The following TTN variants were observed in gnomAD, a reference collection of about 807,000 sequenced individuals.
The protein encoded by TTN is connectin.
A neutral mutation model predicts 3,223.0 loss-of-function variants in TTN; 1,525 were observed. The observed-to-expected ratio is 0.47, with a 90% CI of 0.45 to 0.49. TTN has a LOEUF of 0.49. TTN is among the 20% of genes least tolerant of loss of function. The pLI, the probability that TTN is intolerant of heterozygous loss-of-function variation, is 0.00. For missense variants in TTN, 40,786 were observed against 43,424.0 expected (o/e 0.94, Z 5.40); for synonymous variants, 14,094 against 15,161.0 (o/e 0.93, Z 5.17).
At position 178,575,313 on chromosome 2, in the gene TTN, C is replaced by T. The variant is rs786205539; in HGVS notation, c.70819G>A (p.Ala23607Thr). The change falls in exon 326 of 363, where the codon GCA becomes ACA. Residue 23607 changes from alanine to threonine, a missense_variant. Physicochemically the swap from Ala to Thr is moderately conservative, Grantham distance 58. Transcript: ENST00000589042. This position sits in a 1 kb window ranked among gnomAD's most constrained non-coding sequence, Gnocchi z 4.0. The stretch of plus-strand genomic sequence containing the variant: ...GCACTTCTCCCCGCGCTGTTCACTG[C>T]CATCACTTGGAAGGTATATTCCTCT... ...EGEEYTFQVM[A>T]VNSAGRSAPR... is the part of the protein sequence containing the mutation. The T allele has an allele frequency of 2.5e-6, 4 of 1,613,362 alleles. No homozygotes were observed. In the African/African-American group the frequency reaches 4.0e-5, roughly 16 times the overall value.
rs2082376538 is a variant in TTN, at chr2:178,740,943, A to G, written c.12290T>C (p.Ile4097Thr). 2 of 1,613,914 alleles carry G rather than the reference A, an allele frequency of 1.2e-6. No homozygotes were observed. The highest frequency in any genetic ancestry group is 2.2e-5 in the East Asian group (1 of 44,860). ...EENQQLSYEH[I>T]AKANELSSQL... is the part of the protein sequence containing the mutation. Reference sequence around the variant, plus strand: ...ACTGCTCAATTCATTGGCTTTAGCAATATGCTCATAAGATAGTTGCTGGTT... The same window carrying G: ...ACTGCTCAATTCATTGGCTTTAGCAGTATGCTCATAAGATAGTTGCTGGTT... The change falls in exon 48 of 363, where the codon ATT becomes ACT. Residue 4097 changes from isoleucine (I) to threonine (T), a missense_variant. Ile to Thr is a moderately conservative substitution (Grantham distance 89). Coordinates refer to ENST00000589042, the MANE Select transcript of TTN (RefSeq NM_001267550.2).
rs1057522804 is a variant in TTN, at chr2:178,629,406, G to A, written c.44319C>T (p.Val14773=). Residue 14773 remains valine, a synonymous_variant, in exon 240 of 363, where the codon GTC becomes GTT. Coordinates refer to ENST00000589042, the MANE Select transcript of TTN (RefSeq NM_001267550.2). ...VIGLLRPLKD[V]TVTAGETATF... is the part of the protein sequence containing the mutation. ...TGGCTGTTTCCCCTGCAGTCACGGT[G>A]ACATCCTTTAAAGGCCTCAGAAGAC... 1.2e-6 allele frequency: 2 copies of A among 1,613,048 alleles called. No individual in the cohort carries two copies. The highest frequency in any genetic ancestry group is 1.7e-5 in the Admixed American group (1 of 59,988).
intron 16 of TTN, 58 bp from the exon 17 acceptor site, chr2:178,783,843 A>G: frequency 7.1e-7 from 1 of 1,401,262 alleles, no homozygotes; most frequent in East Asian, 2.3e-5. Flanking sequence ...AATCTCATAA[A>G]CTCTTAGCTC....
intron 121 of TTN, 98 bp from the exon 122 acceptor site, chr2:178,689,994 G>GT: frequency 9.9e-7 from 1 of 1,011,774 alleles, no homozygotes. Flanking sequence ...CATTAATGTT[G>GT]TTATGGATTA....
chr2:178,789,638 G>A, intron 12 of TTN, 141 bp from the exon 13 acceptor site: 1 of 1,170,820 alleles, frequency 8.5e-7, no homozygotes, highest in East Asian at 2.6e-5. Context: ...CACCGGCAAT[G>A]TCTACATATA....
At position 178,782,820 on chromosome 2, in the gene TTN, T is replaced by C. The variant is rs774126306; in HGVS notation, c.3086A>G (p.Tyr1029Cys). 6.8e-6 allele frequency: 11 copies of C among 1,612,938 alleles called. No homozygotes were observed. The African/African-American group carries it at 9.3e-5, about 14-fold the overall frequency. Residue 1029 changes from tyrosine to cysteine, a missense_variant, in exon 18 of 363, where the codon TAT becomes TGT. Physicochemically the swap from Tyr to Cys is radical, Grantham distance 194. Transcript: ENST00000589042. The stretch of plus-strand genomic sequence containing the variant: ...TGGCCACTAACCCTGCACAGCCAGA[T>C]AGCAGGATGTGCTGACGGTTCCAGC... ...NEAGTVSTSC[Y>C]LAVQVSEEFE...
rs772536475 is a variant in TTN, at chr2:178,591,348, G to C, written c.60377C>G (p.Thr20126Arg). The C allele has an allele frequency of 6.2e-7, 1 of 1,613,370 alleles. No individual in the cohort carries two copies. Among genetic ancestry groups the C allele is most frequent in the East Asian group, 2.2e-5 (1 of 44,826 alleles). The change falls in exon 304 of 363, where the codon ACA (threonine) becomes AGA (arginine). Residue 20126 changes from threonine (T) to arginine (R), a missense_variant. Transcript: ENST00000589042. ...GSEIKTDEHYTVETDNFSSVL... is the reference protein window; with the variant it reads ...GSEIKTDEHYRVETDNFSSVL... ...TGATGAGAAGTTGTCTGTTTCAACTGTGTAGTGCTCATCGGTTTTAATCTC... is the reference window on the plus strand; with the variant it reads ...TGATGAGAAGTTGTCTGTTTCAACTCTGTAGTGCTCATCGGTTTTAATCTC...
rs370444281 is a variant in TTN, at chr2:178,750,312, T to C, written c.11311+2812A>G. The C allele has an allele frequency of 2.5e-6, 4 of 1,613,162 alleles. No individual in the cohort carries two copies. In the African/African-American group the frequency reaches 5.3e-5, roughly 22 times the overall value. ...TTTTGTTTTGCTTTCACTTTAAGCATACTGGTTGTTTTTACTGTTCCATAT... is the reference window on the plus strand; with the variant it reads ...TTTTGTTTTGCTTTCACTTTAAGCACACTGGTTGTTTTTACTGTTCCATAT... On this transcript the variant is annotated intron_variant, in intron 47 of 362. Transcript: ENST00000589042.
In TTN at chr2:178,557,791, A is replaced by T. The variant is rs772706810; in HGVS notation, c.87563T>A (p.Val29188Glu). 3.7e-6 allele frequency: 6 copies of T among 1,613,966 alleles called. No homozygotes were observed. Among genetic ancestry groups the T allele is most frequent in the Non-Finnish European group, 5.1e-6 (6 of 1,179,838 alleles). The change falls in exon 328 of 363, where the codon GTG becomes GAG. Residue 29188 changes from valine (V) to glutamate (E), a missense_variant. Transcript: ENST00000589042. ...RETSTAVWTE[V>E]SATVARTMMK... ...CATGGTTCTTGCAACTGTTGCAGAC[A>T]CTTCAGTCCACACTGCAGTACTTGT...
At chr2:178,768,290 C>G in intron 38 of TTN, 135 bp from the exon 39 acceptor site, 1 of 1,189,140 alleles carries the variant, frequency 8.4e-7, no homozygotes, top group East Asian at 2.6e-5. Context: ...TAGCCATCAC[C>G]ATAATTTTAG....
chr2:178,805,706 A>G (rs1321081667), intron 1 of TTN, among the ~76,000 whole-genome samples: 1 of 152,200 alleles, frequency 6.6e-6, no homozygotes, highest in African/African-American at 2.4e-5. Flanking sequence ...AACAGGCCAA[A>G]GTTTATTATA....
chr2:178,805,539 C>T (rs1463882795), intron 1 of TTN, among the ~76,000 whole-genome samples: 1 of 152,084 alleles, frequency 6.6e-6, no homozygotes, highest in Non-Finnish European at 1.5e-5. Flanking sequence ...TAATCTCTTT[C>T]CTGACTGGAG....
chr2:178,786,786 A>G (rs1005642139), intron 13 of TTN, among the ~76,000 whole-genome samples: 2 of 152,234 alleles, frequency 1.3e-5, no homozygotes, highest in African/African-American at 4.8e-5. Context: ...AAATAAAAAT[A>G]TTGTGATTAA....
rs1219652014 is a variant in TTN at position 178,537,130 on chromosome 2, C to A, written c.99979G>T (p.Val33327Leu). Reference protein sequence around the residue: ...DDGGSWITNYVVEKCEAKEGA... With the variant: ...DDGGSWITNYLVEKCEAKEGA... Reference sequence around the variant, plus strand: ...TCCTTGGCCTCACATTTTTCCACCACATAGTTGGTGATCCAGGAGCCTCCG... The same window carrying A: ...TCCTTGGCCTCACATTTTTCCACCAAATAGTTGGTGATCCAGGAGCCTCCG... The change falls in exon 356 of 363, where the codon GTG (valine) becomes TTG (leucine). Residue 33327 changes from valine to leucine, a missense_variant. By Grantham distance (32) the Val-to-Leu change is conservative. Coordinates refer to ENST00000589042, the MANE Select transcript of TTN (RefSeq NM_001267550.2). 1 of 1,613,504 alleles carries A rather than the reference C, an allele frequency of 6.2e-7. No individual in the cohort carries two copies. Among genetic ancestry groups the A allele is most frequent in the Admixed American group, 1.7e-5 (1 of 59,944 alleles).
intron 213 of TTN, 45 bp from the exon 214 acceptor site, chr2:178,647,509 T>C (rs1005832630): frequency 1.3e-6 from 2 of 1,525,894 alleles, no homozygotes; most frequent in African/African-American, 1.4e-5. Flanking sequence ...TTAGAAGACA[T>C]GCAAGATTGT....
intron 78 of TTN, 26 bp from the exon 79 acceptor site, chr2:178,721,228 T>G: frequency 6.5e-7 from 1 of 1,533,812 alleles, no homozygotes; most frequent in Admixed American, 2.0e-5. Context: ...AAACAGTCAG[T>G]AAGGGATATT....
chr2:178,671,836 G>C, intron 155 of TTN, 135 bp downstream of exon 155: 1 of 854,278 alleles, frequency 1.2e-6, no homozygotes, highest in Non-Finnish European at 1.8e-6. Flanking sequence ...ATTAATCTTT[G>C]TGTCAACTAG....
rs373923523 is a variant in TTN at position 178,802,322 on chromosome 2, C to G, written c.111G>C (p.Val37=). The G allele has an allele frequency of 2.7e-5, 43 of 1,614,124 alleles. No individual in the cohort carries two copies. The African/African-American group carries it at 5.3e-4, about 20-fold the overall frequency. Reference sequence around the variant, plus strand: ...TCACCTGGCCATCCCTAAACCAGCTCACCTCAGGAACTGGAAAACCTGAAG... The same window carrying G: ...TCACCTGGCCATCCCTAAACCAGCTGACCTCAGGAACTGGAAAACCTGAAG... ...AHISGFPVPE[V]SWFRDGQVIS... The change falls in exon 3 of 363, where the codon GTG becomes GTC. Residue 37 remains valine, a synonymous_variant. Coordinates refer to ENST00000589042, the MANE Select transcript of TTN (RefSeq NM_001267550.2).
In TTN at chr2:178,608,683, A is replaced by G; in HGVS notation, c.52328T>C (p.Phe17443Ser). Residue 17443 changes from phenylalanine to serine, a missense_variant, in exon 274 of 363, where the codon TTC (phenylalanine) becomes TCC (serine). Physicochemically the swap from Phe to Ser is radical, Grantham distance 155. Transcript: ENST00000589042. ...TKLIEGKEYL[F>S]RVRAENRFGP... Reference sequence around the variant, plus strand: ...AAATCTGTTTTCAGCTCTTACACGGAAGAGGTACTCTTTTCCTTCAATCAG... The same window carrying G: ...AAATCTGTTTTCAGCTCTTACACGGGAGAGGTACTCTTTTCCTTCAATCAG... The G allele has an allele frequency of 6.2e-7, 1 of 1,612,318 alleles. No homozygotes were observed. The highest frequency in any genetic ancestry group is 8.5e-7 in the Non-Finnish European group (1 of 1,179,070).
Sources: gnomAD v4.1 joint callset for allele counts (sites outside exome capture counted in the v4.1 genomes callset) on GRCh38, gnomAD v4.1.1 for gene constraint, Gnocchi (gnomAD v3.1) non-coding constraint, MANE v1.5 for transcripts, NCBI Gene and HGNC (gene_info 2026-07-23, HGNC 2026-07-21) for gene names.